The following RNU6ATAC variants were observed in gnomAD, a reference collection of about 807,000 sequenced individuals.
RNU6ATAC encodes RNA, U6atac small nuclear (U12-dependent splicing).
exon 1 of RNU6ATAC, chr9:134,164,485 C>A (rs1302120643): frequency 6.6e-6 from 1 of 152,020 alleles, no homozygotes; most frequent in African/African-American, 2.4e-5. Context: ...ATGCCTTAAC[C>A]GTATGCGTGT....
exon 1 of RNU6ATAC, chr9:134,164,455 A>C (rs1833022194): frequency 6.6e-6 from 1 of 151,652 alleles, no homozygotes; most frequent in African/African-American, 2.4e-5. Context: ...CGATGGTTAG[A>C]TGCCACGAAG....
At chr9:134,164,521 C>T (rs1478627052) in exon 1 of RNU6ATAC, 3 of 152,126 alleles carry the variant, frequency 2.0e-5, no homozygotes, top group Non-Finnish European at 2.9e-5. Context: ...CCTCTTCCAT[C>T]CTTGTCAAGG....
At chr9:134,164,512 C>CA (rs782813417) in exon 1 of RNU6ATAC, 14 of 152,134 alleles carry the variant, frequency 9.2e-5, no homozygotes, top group Non-Finnish European at 2.1e-4. Context: ...GCCCGAGGGC[C>CA]TCTTCCATCC....
exon 1 of RNU6ATAC, chr9:134,164,479 C>T (rs1249243788): frequency 2.0e-5 from 3 of 152,054 alleles, no homozygotes; most frequent in African/African-American, 4.8e-5. Context: ...GTGGCAATGC[C>T]TTAACCGTAT....
exon 1 of RNU6ATAC, chr9:134,164,439 A>G (rs1217695991): frequency 1.3e-5 from 2 of 152,088 alleles, no homozygotes; most frequent in Admixed American, 1.3e-4. Flanking sequence ...ACCAAAAAAA[A>G]AAAAACGATG....
chr9:134,164,546 C>A (rs782358078), exon 1 of RNU6ATAC: 2 of 152,148 alleles, frequency 1.3e-5, no homozygotes, highest in African/African-American at 4.8e-5. Context: ...TGCTAACCTT[C>A]TCTCCTTTCA....
In RNU6ATAC at chr9:134,164,442, A is replaced by C. The variant is rs575465457; in HGVS notation, n.123T>G. 5 of 152,224 alleles carry C rather than the reference A, an allele frequency of 3.3e-5. No homozygotes were observed. The East Asian group carries it at 5.8e-4, about 18-fold the overall frequency. 9.4% of individuals were successfully genotyped at this position (152,224 alleles called of 1,614,324 possible). ...AAAAAACAAAACACCAAAAAAAAAA[A>C]AACGATGGTTAGATGCCACGAAGTA... is the stretch of plus-strand genomic sequence containing the variant. On this transcript the variant is annotated non_coding_transcript_exon_variant, in exon 1 of 1. Transcript: ENST00000408749.
chr9:134,164,474 A>C (rs1433834815), exon 1 of RNU6ATAC: 16 of 151,342 alleles, frequency 1.1e-4, no homozygotes, highest in African/African-American at 3.4e-4. Context: ...AGTAGGTGGC[A>C]ATGCCTTAAC....
exon 1 of RNU6ATAC, chr9:134,164,443 A>G (rs1313114469): frequency 2.0e-5 from 3 of 151,988 alleles, no homozygotes; most frequent in African/African-American, 4.8e-5. Flanking sequence ...AAAAAAAAAA[A>G]ACGATGGTTA....
chr9:134,164,452 T>C (rs1194613501), exon 1 of RNU6ATAC: 4 of 150,900 alleles, frequency 2.7e-5, no homozygotes, highest in East Asian at 1.9e-4. Flanking sequence ...AAACGATGGT[T>C]AGATGCCACG....
exon 1 of RNU6ATAC, chr9:134,164,464 AGTAGGT>A (rs1833023839): frequency 6.6e-6 from 1 of 151,770 alleles, no homozygotes; most frequent in Non-Finnish European, 1.5e-5. Context: ...GATGCCACGA[AGTAGGT>A]GGCAATGCCT....
exon 1 of RNU6ATAC, chr9:134,164,493 T>C (rs1466784537): frequency 3.9e-5 from 6 of 151,966 alleles, no homozygotes; most frequent in Non-Finnish European, 5.9e-5. Context: ...ACCGTATGCG[T>C]GTTGTCAGGC....
chr9:134,164,560 A>C (rs1554729419), exon 1 of RNU6ATAC: 1 of 152,078 alleles, frequency 6.6e-6, no homozygotes, highest in Non-Finnish European at 1.5e-5. Context: ...CCTTTCATAC[A>C]ACACGCCTCG....
At chr9:134,164,465 G>A (rs971458381) in exon 1 of RNU6ATAC, 1 of 151,554 alleles carries the variant, frequency 6.6e-6, no homozygotes, top group South Asian at 2.1e-4. Flanking sequence ...ATGCCACGAA[G>A]TAGGTGGCAA....
chr9:134,164,529 A>T (rs1428736884), exon 1 of RNU6ATAC: 1 of 151,896 alleles, frequency 6.6e-6, no homozygotes, highest in Non-Finnish European at 1.5e-5. Context: ...ATCCTTGTCA[A>T]GGGGAGTGCT....
chr9:134,164,476 T>C (rs1467121575), exon 1 of RNU6ATAC: 3 of 149,022 alleles, frequency 2.0e-5, no homozygotes, highest in Non-Finnish European at 3.0e-5. Context: ...TAGGTGGCAA[T>C]GCCTTAACCG....
At chr9:134,164,489 T>G (rs533376785) in exon 1 of RNU6ATAC, 4 of 151,908 alleles carry the variant, frequency 2.6e-5, no homozygotes, top group African/African-American at 9.7e-5. Flanking sequence ...CTTAACCGTA[T>G]GCGTGTTGTC....
chr9:134,164,494 G>GTT (rs1377120209), exon 1 of RNU6ATAC: 7 of 150,676 alleles, frequency 4.6e-5, no homozygotes. Flanking sequence ...CCGTATGCGT[G>GTT]TTGTCAGGCC....
chr9:134,164,515 T>C (rs1245995675), exon 1 of RNU6ATAC: 7 of 152,046 alleles, frequency 4.6e-5, no homozygotes, highest in African/African-American at 1.2e-4. Flanking sequence ...CGAGGGCCTC[T>C]TCCATCCTTG....
Sources: gnomAD v4.1 joint callset for allele counts on GRCh38, gnomAD v4.1.1 for gene constraint, MANE v1.5 for transcripts, NCBI Gene and HGNC (gene_info 2026-07-23, HGNC 2026-07-21) for gene names.